DGKG: variants seen among roughly 807,000 people sequenced by gnomAD.
DGKG encodes DAG kinase gamma.
Under a neutral mutation model 105.3 loss-of-function variants are expected in DGKG, and 78 were observed. The ratio of observed to expected loss-of-function variants is 0.74; its 90% confidence interval spans 0.62 to 0.89. The LOEUF is 0.89. Ranked by LOEUF, DGKG falls within the 40% of genes least tolerant of loss-of-function variation. The pLI, the probability that DGKG is intolerant of heterozygous loss-of-function variation, is 0.00. For synonymous variants in DGKG, 346 were observed against 367.1 expected (o/e 0.94, Z 0.66); for missense variants, 958 against 1,020.1 (o/e 0.94, Z 0.83).
At chr3:186,302,938 T>C (rs1275321962) in intron 3 of DGKG, among the ~76,000 whole-genome samples, 4 of 151,260 alleles carry the variant, frequency 2.6e-5, no homozygotes, top group Non-Finnish European at 5.9e-5. Flanking sequence ...ACCAGAAGAG[T>C]CTCAGAGGGG....
intron 24 of DGKG, chr3:186,161,377 T>C: frequency 7.2e-7 from 1 of 1,388,878 alleles, no homozygotes; most frequent in Non-Finnish European, 9.3e-7. Context: ...CTATGTCTCA[T>C]TCAATTTTGT....
rs1717249062 is a variant in DGKG, at chr3:186,179,345, A to G, written c.2095+8857T>C. On this transcript the variant is annotated intron_variant, in intron 22 of 24. Coordinates refer to ENST00000265022, the MANE Select transcript of DGKG (RefSeq NM_001346.3). ...TAATGCACCTAGCCTAATTATTTTA[A>G]TAGTTACTACATGGCCCTTTGCAGA... Among the ~76,000 whole-genome samples, 4 of 152,194 alleles carry G rather than the reference A, an allele frequency of 2.6e-5. No homozygotes were observed. In the South Asian group the frequency reaches 8.3e-4, roughly 32 times the overall value.
At chr3:186,310,283 A>AAAAAAAAAC (rs1724471057) in intron 2 of DGKG, among the ~76,000 whole-genome samples, 1 of 148,946 alleles carries the variant, frequency 6.7e-6, no homozygotes, top group Non-Finnish European at 1.5e-5. Flanking sequence ...AAAAAAAAAA[A>AAAAAAAAAC]AAAAAACCAC....
In DGKG at chr3:186,288,869, C is replaced by A; in HGVS notation, c.385G>T (p.Ala129Ser). 1 of 1,572,958 alleles carries A rather than the reference C, an allele frequency of 6.4e-7. No individual in the cohort carries two copies. The highest frequency in any genetic ancestry group is 1.4e-5 in the African/African-American group (1 of 72,754). Residue 129 changes from alanine to serine, a missense_variant, in exon 6 of 25, where the codon GCT (alanine) becomes TCT (serine). Around this residue, in one of 2 missense-constraint regions of DGKG, gnomAD observed 643 missense variants for 619.5 expected, o/e 1.04. Transcript: ENST00000265022. The part of the protein sequence containing the change: ...ACAPDTESNM[A>S]EKQAPAEDQV... The stretch of plus-strand genomic sequence containing the variant: ...TCTTCAGCTGGTGCTTGCTTCTCAG[C>A]CATATTTGATTCTGCGATGAACAAA...
chr3:186,181,162 G>T (rs1332432976), intron 22 of DGKG, among the ~76,000 whole-genome samples: 2 of 152,136 alleles, frequency 1.3e-5, no homozygotes, highest in African/African-American at 4.8e-5. Flanking sequence ...CTGTCTGTGG[G>T]GTTATTTTAT....
At chr3:186,183,326 G>A (rs1420001868) in intron 22 of DGKG, among the ~76,000 whole-genome samples, 1 of 152,174 alleles carries the variant, frequency 6.6e-6, no homozygotes, top group Non-Finnish European at 1.5e-5. Flanking sequence ...AGGAGGCTGG[G>A]TATAACCTTG....
intron 15 of DGKG, 86 bp from the exon 16 acceptor site, chr3:186,260,599 C>CT (rs748781326): frequency 1.0e-6 from 1 of 966,638 alleles, no homozygotes; most frequent in Non-Finnish European, 1.6e-6. Context: ...GCAAACACCT[C>CT]TGGAGCCCAC....
chr3:186,297,369 A>C (rs1723632118), intron 5 of DGKG, 52 bp downstream of exon 5: 1 of 1,378,414 alleles, frequency 7.3e-7, no homozygotes, highest in African/African-American at 1.4e-5. Context: ...CTTCTCCCCA[A>C]GGATGAGGTA....
Position 186,261,762 on chromosome 3 carries a change from G to C in DGKG, c.1286C>G (p.Thr429Ser). The change falls in exon 15 of 25, where the codon ACC becomes AGC. Residue 429 changes from threonine to serine, a missense_variant. Coordinates refer to ENST00000265022, the MANE Select transcript of DGKG (RefSeq NM_001346.3). ...GACCAGCAGGGGGTGGGTACCCGGG[G>C]TGGGGATGATCTTATACTTGAAAGG... ...ELVMQYKIIP[T>S]PGTHPLLVLV... 1 of 1,604,316 alleles carries C rather than the reference G, an allele frequency of 6.2e-7. No homozygotes were observed. The highest frequency in any genetic ancestry group is 8.5e-7 in the Non-Finnish European group (1 of 1,174,966).
intron 14 of DGKG, 142 bp from the exon 15 acceptor site, chr3:186,261,920 T>A: frequency 3.4e-6 from 2 of 589,550 alleles, no homozygotes; most frequent in Non-Finnish European, 6.1e-6. Flanking sequence ...TGGCTGAATT[T>A]TCGGAGGGGC....
chr3:186,226,157 A>G lies in DGKG; in HGVS notation c.1827-14272T>C, dbSNP rs1421550815. Among the ~76,000 whole-genome samples, 2 of 152,088 alleles carry G rather than the reference A, an allele frequency of 1.3e-5. No individual in the cohort carries two copies. The highest frequency in any genetic ancestry group is 2.9e-5 in the Non-Finnish European group (2 of 68,022). On this transcript the variant is annotated intron_variant, in intron 20 of 24. Transcript: ENST00000265022. The surrounding 1 kb of genome is among the most constrained non-coding windows in gnomAD (Gnocchi z 4.2). ...AAGCTCACATTTACCTTTTCCCTGA[A>G]CTCACCACTTTGTACAAACCATGAT...
chr3:186,204,134 T>C (rs969101928), intron 21 of DGKG, among the ~76,000 whole-genome samples: 3 of 152,132 alleles, frequency 2.0e-5, no homozygotes, highest in Non-Finnish European at 4.4e-5. Flanking sequence ...ACTGGCCAGG[T>C]GTGGTGGCTG....
intron 19 of DGKG, among the ~76,000 whole-genome samples, chr3:186,242,966 A>G (rs1049197639): frequency 1.1e-4 from 17 of 152,202 alleles, no homozygotes; most frequent in Admixed American, 6.5e-5. Flanking sequence ...ATGACTTTCC[A>G]TACTAGTTCT....
intron 6 of DGKG, among the ~76,000 whole-genome samples, chr3:186,287,001 T>C (rs1295879738): frequency 6.8e-6 from 1 of 148,048 alleles, no homozygotes; most frequent in Middle Eastern, 3.4e-3. Context: ...GCCACTGCAC[T>C]CTAGCTTGGG....
chr3:186,353,561 GTATGTA>G (rs1276483146), intron 1 of DGKG, among the ~76,000 whole-genome samples: 1,249 of 107,920 alleles, frequency 0.012, 24 homozygotes, highest in African/African-American at 0.054. Context: ...ATACTTTTAT[GTATGTA>G]TATATATATA....
At chr3:186,302,514 GTATATA>G (rs1172001065) in intron 3 of DGKG, among the ~76,000 whole-genome samples, 1 of 16,744 alleles carries the variant, frequency 6.0e-5, no homozygotes, top group East Asian at 8.7e-4. Context: ...ATACATATGT[GTATATA>G]TATATATATA....
chr3:186,164,867 G>T, intron 23 of DGKG, 31 bp downstream of exon 23: 7 of 1,594,862 alleles, frequency 4.4e-6, no homozygotes, highest in Non-Finnish European at 6.0e-6. Context: ...GCGGGGAGAT[G>T]CAGAGGCTGT....
intron 13 of DGKG, among the ~76,000 whole-genome samples, chr3:186,266,751 C>T (rs1367843766): frequency 6.6e-5 from 10 of 152,130 alleles, no homozygotes; most frequent in African/African-American, 1.2e-4. Context: ...GTGCCCACTA[C>T]CACGCCTGGC....
chr3:186,267,532 C>T (rs1722112742), intron 13 of DGKG, 153 bp downstream of exon 13: 2 of 630,036 alleles, frequency 3.2e-6, no homozygotes, highest in Non-Finnish European at 5.7e-6. Context: ...TACTCTCTAA[C>T]CTAAAATAAC....
Sources: gnomAD v4.1 joint callset for allele counts (sites outside exome capture counted in the v4.1 genomes callset) on GRCh38, gnomAD v4.1.1 for gene constraint, gnomAD v4.1.1 regional missense constraint, Gnocchi (gnomAD v3.1) non-coding constraint, MANE v1.5 for transcripts, NCBI Gene and HGNC (gene_info 2026-07-23, HGNC 2026-07-21) for gene names.